The following LGALS14 variants were observed in gnomAD, a reference collection of about 807,000 sequenced individuals.
LGALS14 encodes placental protein 13-like.
Under a neutral mutation model 14.6 loss-of-function variants are expected in LGALS14, and 14 were observed. The observed-to-expected ratio is 0.96, with a 90% CI of 0.64 to 1.50. LGALS14 has a LOEUF of 1.50. Ranked by LOEUF, LGALS14 falls within the 40% of genes most tolerant of loss-of-function variation. The probability of loss-of-function intolerance (pLI) is 0.00; values close to 1 mark genes in which losing one functional copy is unlikely to be tolerated. For missense variants in LGALS14, 180 were observed against 172.0 expected, an observed-to-expected ratio of 1.05 and a Z score of -0.26; for synonymous variants, 57 against 63.9, an observed-to-expected ratio of 0.89 and a Z score of 0.51.
At chr19:39,704,774 G>A (rs1973690913) in intron 1 of LGALS14, among the ~76,000 whole-genome samples, 1 of 152,148 alleles carries the variant, frequency 6.6e-6, no homozygotes, top group Admixed American at 6.5e-5. Flanking sequence ...GGTGTCTGAT[G>A]AGAGTGAACT....
At chr19:39,705,781 G>A (rs577413536) in intron 1 of LGALS14, 10 of 1,163,728 alleles carry the variant, frequency 8.6e-6, no homozygotes, top group African/African-American at 6.1e-5. Flanking sequence ...GGAGTTCGAT[G>A]TTTCAGTGAG....
rs181117817 is a variant in LGALS14, at chr19:39,706,582, T to G, written c.16-15T>G. On this transcript the variant is annotated splice_polypyrimidine_tract_variant and intron_variant, in intron 1 of 3. Transcript: ENST00000392052. The stretch of plus-strand genomic sequence containing the variant: ...CTTACCCTTTAGCTCTCACTCACTC[T>G]CCATACCCTGGCAGGTACCATACAC... 6.2e-7 allele frequency: 1 copy of G among 1,608,596 alleles called. No homozygotes were observed. Among genetic ancestry groups the G allele is most frequent in the East Asian group, 2.2e-5 (1 of 44,852 alleles).
In LGALS14 at chr19:39,709,215, C is replaced by T. The variant is rs768482478; in HGVS notation, c.322C>T (p.Arg108Cys). ...KEYKVMVNGQ[R>C]IYNFAHRFPP... ...CTTGTAGGTAATGGTAAATGGCCAA[C>T]GCATTTACAACTTTGCCCATCGATT... The change falls in exon 4 of 4, where the codon CGC becomes TGC. Residue 108 changes from arginine to cysteine, a missense_variant. By Grantham distance (180) the Arg-to-Cys change is radical. Coordinates refer to ENST00000392052, the MANE Select transcript of LGALS14 (RefSeq NM_020129.3). 67 of 1,610,900 alleles carry T rather than the reference C, an allele frequency of 4.2e-5. No homozygotes were observed. The highest frequency in any genetic ancestry group is 1.6e-4 in the Middle Eastern group (1 of 6,072).
rs1383119347 is a variant in LGALS14 at position 39,707,174 on chromosome 19, T to C, written c.93-4T>C. 6.2e-7 allele frequency: 1 copy of C among 1,610,550 alleles called. No individual in the cohort carries two copies. Among genetic ancestry groups the C allele is most frequent in the Non-Finnish European group, 8.5e-7 (1 of 1,176,950 alleles). On this transcript the variant is annotated splice_region_variant and splice_polypyrimidine_tract_variant and intron_variant, in intron 2 of 3. Coordinates refer to ENST00000392052, the MANE Select transcript of LGALS14 (RefSeq NM_020129.3). The stretch of plus-strand genomic sequence containing the variant: ...GCCCAACATGCTGTGTGCTTTGACC[T>C]CAGCAAGGACCCACAGCTGGAGGTG...
At chr19:39,707,968 C>T (rs1171393571) in intron 3 of LGALS14, among the ~76,000 whole-genome samples, 3 of 152,108 alleles carry the variant, frequency 2.0e-5, no homozygotes, top group Non-Finnish European at 4.4e-5. Context: ...TGCCATCACA[C>T]CTTGTTAACT....
rs1568493719 is a variant in LGALS14, at chr19:39,706,600, C to G, written c.19C>G (p.Pro7Ala). Residue 7 changes from proline to alanine, a missense_variant, in exon 2 of 4, where the codon CCA becomes GCA. Physicochemically the swap from Pro to Ala is conservative, Grantham distance 27. Transcript: ENST00000392052. MSSLPV[P>A]YTLPVSLPVG... is the part of the protein sequence containing the mutation. ...CTCACTCTCCATACCCTGGCAGGTA[C>G]CATACACACTGCCTGTTTCCTTGCC... 1 of 1,612,968 alleles carries G rather than the reference C, an allele frequency of 6.2e-7. No individual in the cohort carries two copies. Among genetic ancestry groups the G allele is most frequent in the East Asian group, 2.2e-5 (1 of 44,874 alleles).
intron 1 of LGALS14, chr19:39,705,728 G>A: frequency 1.7e-6 from 1 of 604,782 alleles, no homozygotes; most frequent in Non-Finnish European, 2.8e-6. Context: ...TTTCACCCCA[G>A]CTACACAAGA....
At chr19:39,707,571 C>G (rs986937505) in intron 3 of LGALS14, among the ~76,000 whole-genome samples, 183 bp downstream of exon 3, 1 of 152,158 alleles carries the variant, frequency 6.6e-6, no homozygotes, top group African/African-American at 2.4e-5. Flanking sequence ...CCAAATCTGA[C>G]CAAGATCAAG....
intron 3 of LGALS14, among the ~76,000 whole-genome samples, chr19:39,708,643 T>C (rs1364387563): frequency 6.6e-6 from 1 of 152,216 alleles, no homozygotes; most frequent in African/African-American, 2.4e-5. Flanking sequence ...GAGGGATCTT[T>C]TCCTAGGCTT....
intron 1 of LGALS14, chr19:39,705,758 T>C: frequency 1.2e-6 from 1 of 820,406 alleles, no homozygotes; most frequent in Non-Finnish European, 1.9e-6. Context: ...TGTGTGAGGA[T>C]CACTGCAGTC....
chr19:39,705,972 G>T, intron 1 of LGALS14: 2 of 1,613,890 alleles, frequency 1.2e-6, no homozygotes, highest in Non-Finnish European at 1.7e-6. Flanking sequence ...AATGTGTGCC[G>T]CTTCTGGGAA....
chr19:39,705,029 G>A (rs1600834271), intron 1 of LGALS14, among the ~76,000 whole-genome samples: 1 of 152,076 alleles, frequency 6.6e-6, no homozygotes, highest in South Asian at 2.1e-4. Flanking sequence ...GGTATTGAAG[G>A]GAAAACATGC....
In LGALS14 at chr19:39,705,925, G is replaced by C. The variant is rs757583825; in HGVS notation, c.16-672G>C. The C allele has an allele frequency of 6.8e-6, 11 of 1,613,534 alleles. No homozygotes were observed. The African/African-American group carries it at 1.1e-4, about 16-fold the overall frequency. Reference sequence around the variant, plus strand: ...CTCCAGTTATGTCCCTGACCCACAGGCTTCATTTGTGCAAGTACTGGGGCT... The same window carrying C: ...CTCCAGTTATGTCCCTGACCCACAGCCTTCATTTGTGCAAGTACTGGGGCT... On this transcript the variant is annotated intron_variant, in intron 1 of 3. Transcript: ENST00000392052.
Position 39,707,200 on chromosome 19 carries a change from A to C in LGALS14, c.115A>C (p.Asn39His). 2 of 1,614,036 alleles carry C rather than the reference A, an allele frequency of 1.2e-6. No individual in the cohort carries two copies. The highest frequency in any genetic ancestry group is 1.7e-6 in the Non-Finnish European group (2 of 1,179,930). Residue 39 changes from asparagine to histidine, a missense_variant, in exon 3 of 4, where the codon AAT (asparagine) becomes CAT (histidine). Coordinates refer to ENST00000392052, the MANE Select transcript of LGALS14 (RefSeq NM_020129.3). ...CAGCAAGGACCCACAGCTGGAGGTG[A>C]ATTTCTACACTGGGATGGATGAGGA... ...TFVKDPQLEVNFYTGMDEDSD... is the reference protein window; with the variant it reads ...TFVKDPQLEVHFYTGMDEDSD...
intron 3 of LGALS14, among the ~76,000 whole-genome samples, chr19:39,707,867 T>G (rs1973739997): frequency 6.6e-6 from 1 of 152,164 alleles, no homozygotes; most frequent in Admixed American, 6.5e-5. Context: ...TGGAGTGCAG[T>G]GGCGTGATCA....
rs769684178 is a variant in LGALS14 at position 39,706,716 on chromosome 19, G to A, written c.92+43G>A. The A allele has an allele frequency of 8.1e-6, 12 of 1,475,290 alleles. No individual in the cohort carries two copies. In the Admixed American group the frequency reaches 1.8e-4, roughly 23 times the overall value. 91.4% of individuals were successfully genotyped at this position (1,475,290 alleles called of 1,614,324 possible). A position where few individuals can be genotyped will look rare whatever the true frequency, so the allele number is the denominator to read the frequency against. On this transcript the variant is annotated intron_variant, in intron 2 of 3. Coordinates refer to ENST00000392052, the MANE Select transcript of LGALS14 (RefSeq NM_020129.3). ...CAATGGAGGGGGTGGAGGAGAGAAG[G>A]GAGAATATTTGCTAAGGGTTTAACC...
chr19:39,707,267 C>A lies in LGALS14; in HGVS notation c.182C>A (p.Pro61His). ...CAATTCCGACTGCACTTTGGTCATC[C>A]TGCAATCATGAACAGTTGTGTGTTT... ...AFQFRLHFGHPAIMNSCVFGI... is the reference protein window; with the variant it reads ...AFQFRLHFGHHAIMNSCVFGI... Residue 61 changes from proline to histidine, a missense_variant, in exon 3 of 4, where the codon CCT (proline) becomes CAT (histidine). Physicochemically the swap from Pro to His is moderately conservative, Grantham distance 77. Transcript: ENST00000392052. 1 of 1,614,010 alleles carries A rather than the reference C, an allele frequency of 6.2e-7. No homozygotes were observed. Among genetic ancestry groups the A allele is most frequent in the East Asian group, 2.2e-5 (1 of 44,872 alleles).
intron 1 of LGALS14, among the ~76,000 whole-genome samples, chr19:39,705,513 G>A (rs1412789508): frequency 1.3e-5 from 2 of 152,168 alleles, no homozygotes; most frequent in Admixed American, 6.5e-5. Flanking sequence ...GAAAGAACAA[G>A]CTGTCTGAAT....
At position 39,706,454 on chromosome 19, in the gene LGALS14, G is replaced by A; in HGVS notation, c.16-143G>A. On this transcript the variant is annotated intron_variant, in intron 1 of 3. Transcript: ENST00000392052. ...GATCCACCATATCTTCAGGAATATG[G>A]GGCCCTGACTGTGGTAGGGTGAAAG... 7.6e-6 allele frequency: 5 copies of A among 657,466 alleles called. No homozygotes were observed. In the South Asian group the frequency reaches 9.4e-5, roughly 12 times the overall value. 40.7% of individuals were successfully genotyped at this position (657,466 alleles called of 1,614,324 possible).
Sources: gnomAD v4.1 joint callset for allele counts (sites outside exome capture counted in the v4.1 genomes callset) on GRCh38, gnomAD v4.1.1 for gene constraint, MANE v1.5 for transcripts, NCBI Gene and HGNC (gene_info 2026-07-23, HGNC 2026-07-21) for gene names.